Variants in BAIAP2L1 observed in about 807,000 individuals in gnomAD.
BAIAP2L1 encodes BAR/IMD domain-containing adapter protein 2-like 1.
BAIAP2L1 carries 35 observed loss-of-function variants against 66.3 expected under a neutral mutation model. The observed-to-expected ratio is 0.53, with a 90% CI of 0.40 to 0.70. The LOEUF is 0.70. BAIAP2L1 is among the 30% of genes least tolerant of loss of function. The probability of loss-of-function intolerance (pLI) is 0.00; values close to 1 mark genes in which losing one functional copy is unlikely to be tolerated. For missense variants in BAIAP2L1, 622 were observed against 656.9 expected, an observed-to-expected ratio of 0.95 and a Z score of 0.58; for synonymous variants, 269 against 248.7, an observed-to-expected ratio of 1.08 and a Z score of -0.77.
Position 98,369,077 on chromosome 7 carries a change from A to G in BAIAP2L1, c.52-6645T>C, listed in dbSNP as rs1006596685. 9.5e-5 allele frequency among the ~76,000 whole-genome samples: 14 copies of G among 147,850 alleles called. No homozygotes were observed. The Admixed American group carries it at 9.6e-4, about 10-fold the overall frequency. ...TTTTTTTTTTCAGAACAGCTGCACC[A>G]TTTTACTTTCCCATTAGCACTCGGA... On this transcript the variant is annotated intron_variant, in intron 1 of 13. Coordinates refer to ENST00000005260, the MANE Select transcript of BAIAP2L1 (RefSeq NM_018842.5).
chr7:98,294,297 T>C (rs544614541), intron 12 of BAIAP2L1, among the ~76,000 whole-genome samples, 186 bp from the exon 13 acceptor site: 1 of 152,302 alleles, frequency 6.6e-6, no homozygotes, highest in South Asian at 2.1e-4. Flanking sequence ...CTGGCCTGTA[T>C]TGGAGATTTT....
At chr7:98,398,235 T>G (rs933021877) in intron 1 of BAIAP2L1, among the ~76,000 whole-genome samples, 1 of 152,148 alleles carries the variant, frequency 6.6e-6, no homozygotes, top group Non-Finnish European at 1.5e-5. Flanking sequence ...AGCACTAGAT[T>G]CATCAACACT....
At chr7:98,377,629 G>C (rs553635274) in intron 1 of BAIAP2L1, among the ~76,000 whole-genome samples, 21 of 152,106 alleles carry the variant, frequency 1.4e-4, no homozygotes, top group African/African-American at 4.6e-4. Flanking sequence ...GATCAGCCTG[G>C]CTAACATGGT....
chr7:98,390,784 C>CAG (rs1187298370), intron 1 of BAIAP2L1, among the ~76,000 whole-genome samples: 3 of 152,004 alleles, frequency 2.0e-5, no homozygotes, highest in Non-Finnish European at 2.9e-5. Flanking sequence ...TTAACTAGTG[C>CAG]TTAATTGATA....
intron 3 of BAIAP2L1, among the ~76,000 whole-genome samples, chr7:98,334,875 C>T (rs563041645): frequency 3.5e-5 from 5 of 142,352 alleles, no homozygotes; most frequent in South Asian, 2.6e-4. Flanking sequence ...CCTGGCTGGG[C>T]GTGGTGGCTC....
chr7:98,360,910 A>G (rs1802254457), intron 2 of BAIAP2L1, among the ~76,000 whole-genome samples: 1 of 152,186 alleles, frequency 6.6e-6, no homozygotes. Flanking sequence ...TGAGCAGTAT[A>G]CTTTTCCAGC....
intron 3 of BAIAP2L1, among the ~76,000 whole-genome samples, chr7:98,330,206 CAG>C (rs1562975623): frequency 6.6e-6 from 1 of 152,110 alleles, no homozygotes; most frequent in East Asian, 1.9e-4. Context: ...AATTATCAGA[CAG>C]AGAACTAACC....
At chr7:98,327,389 T>TAAAG (rs1801400469) in intron 3 of BAIAP2L1, among the ~76,000 whole-genome samples, 1 of 149,038 alleles carries the variant, frequency 6.7e-6, no homozygotes, top group Non-Finnish European at 1.5e-5. Flanking sequence ...AATAAATAAA[T>TAAAG]AAAGCCAGGC....
chr7:98,374,321 C>T (rs185115491), intron 1 of BAIAP2L1, among the ~76,000 whole-genome samples: 119 of 152,212 alleles, frequency 7.8e-4, no homozygotes, highest in Middle Eastern at 3.4e-3. Context: ...ACTATGAATC[C>T]GGCTCTATGT....
intron 7 of BAIAP2L1, among the ~76,000 whole-genome samples, chr7:98,313,777 A>C (rs115070453): frequency 0.024 from 3,568 of 147,200 alleles, 139 homozygotes; most frequent in African/African-American, 0.085. Flanking sequence ...CATCACCACA[A>C]CTGGCTAATT....
intron 10 of BAIAP2L1, chr7:98,307,412 A>G (rs1800699614): frequency 1.2e-5 from 15 of 1,272,366 alleles, no homozygotes; most frequent in Non-Finnish European, 1.5e-5. Context: ...GCCAAATGCT[A>G]AATTTTTTTT....
At chr7:98,337,789 G>A (rs559088196) in intron 3 of BAIAP2L1, among the ~76,000 whole-genome samples, 7 of 152,202 alleles carry the variant, frequency 4.6e-5, no homozygotes, top group East Asian at 1.9e-4. Context: ...TTGGTGACGT[G>A]CACCTGTAAT....
intron 3 of BAIAP2L1, among the ~76,000 whole-genome samples, chr7:98,328,711 A>G (rs999388449): frequency 1.3e-5 from 2 of 151,432 alleles, no homozygotes; most frequent in African/African-American, 4.9e-5. Flanking sequence ...TTCATGATAC[A>G]CACCAACAAA....
chr7:98,330,168 C>A (rs960818290), intron 3 of BAIAP2L1, among the ~76,000 whole-genome samples: 4 of 152,160 alleles, frequency 2.6e-5, no homozygotes, highest in African/African-American at 7.2e-5. Flanking sequence ...AGAAAAAAAA[C>A]CAGATTCAGA....
chr7:98,400,669 A>T, intron 1 of BAIAP2L1, 133 bp downstream of exon 1: 1 of 998,516 alleles, frequency 1.0e-6, no homozygotes, highest in Non-Finnish European at 1.5e-6. Flanking sequence ...GAGGAGTGGG[A>T]GAGACCGGGA....
chr7:98,369,457 G>A (rs559988952), intron 1 of BAIAP2L1, among the ~76,000 whole-genome samples: 19 of 152,200 alleles, frequency 1.2e-4, no homozygotes, highest in African/African-American at 3.6e-4. Context: ...CAGCCTGGGC[G>A]ATAAAGCGAG....
rs1803021306 is a variant in BAIAP2L1, at chr7:98,390,871, T to C, written c.51+9931A>G. 2.0e-5 allele frequency among the ~76,000 whole-genome samples: 3 copies of C among 152,268 alleles called. No individual in the cohort carries two copies. In the South Asian group the frequency reaches 6.2e-4, roughly 32 times the overall value. On this transcript the variant is annotated intron_variant, in intron 1 of 13. Transcript: ENST00000005260. ...TTTTTGTTTTGAGACAGTCTCTCGC[T>C]CTGTTGCCAGGCTAGAGTGCGGTGG...
intron 1 of BAIAP2L1, among the ~76,000 whole-genome samples, chr7:98,389,284 C>T (rs1802969354): frequency 6.6e-6 from 1 of 152,020 alleles, no homozygotes; most frequent in African/African-American, 2.4e-5. Flanking sequence ...ATTCCAACCC[C>T]TACCCCAATC....
At position 98,362,381 on chromosome 7, in the gene BAIAP2L1, T is replaced by C; in HGVS notation, c.103A>G (p.Lys35Glu). Residue 35 changes from lysine (K) to glutamate (E), a missense_variant, in exon 2 of 14, where the codon AAA becomes GAA. Lys to Glu is a moderately conservative substitution (Grantham distance 56). Coordinates refer to ENST00000005260, the MANE Select transcript of BAIAP2L1 (RefSeq NM_018842.5). Reference sequence around the variant, plus strand: ...CCGTTTACAGCTTTCTCATAATTTTTCCCCAGGTTTATTAAATTTCGCAGC... The same window carrying C: ...CCGTTTACAGCTTTCTCATAATTTTCCCCCAGGTTTATTAAATTTCGCAGC... ...PGLRNLINLG[K>E]NYEKAVNAMI... 1 of 1,612,820 alleles carries C rather than the reference T, an allele frequency of 6.2e-7. No individual in the cohort carries two copies. The highest frequency in any genetic ancestry group is 1.7e-5 in the Admixed American group (1 of 59,886).
Sources: allele counts gnomAD v4.1 joint callset (sites outside exome capture counted in the v4.1 genomes callset), GRCh38; gene constraint gnomAD v4.1.1; transcripts MANE v1.5; gene names NCBI Gene and HGNC (gene_info 2026-07-23, HGNC 2026-07-21).